Variants in NCOA6 observed in about 807,000 individuals in gnomAD.
NCOA6 encodes NRC RAP250.
In NCOA6, 49 loss-of-function variants were observed where a neutral mutation model predicts 171.4. That is an observed-to-expected ratio of 0.29 (90% CI 0.23 to 0.36). The LOEUF (loss-of-function observed/expected upper bound fraction) is 0.36, where lower values mean the gene tolerates loss of function less well. NCOA6 is among the 10% of genes least tolerant of loss of function. The probability of loss-of-function intolerance (pLI) is 1.00; values close to 1 mark genes in which losing one functional copy is unlikely to be tolerated. For missense variants in NCOA6, 2,248 were observed against 2,554.5 expected (o/e 0.88, Z 2.59); for synonymous variants, 910 against 927.5 (o/e 0.98, Z 0.34).
In NCOA6 at chr20:34,759,169, GCCACTGGGACCACAGGCACACA is replaced by G. The variant is rs2076742337; in HGVS notation, c.515-258_515-237del. On this transcript the variant is annotated intron_variant, in intron 5 of 14. Coordinates refer to ENST00000359003, the MANE Select transcript of NCOA6 (RefSeq NM_014071.5). ...CAAATAGCTGGGACCATGGGCACAT[GCCACTGGGACCACAGGCACACA>G]CCACTGTGCCCAGCTAATCGTTCTA... Among the ~76,000 whole-genome samples the G allele has an allele frequency of 2.0e-5, 3 of 152,030 alleles. No homozygotes were observed. The South Asian group carries it at 6.2e-4, about 32-fold the overall frequency.
Position 34,750,409 on chromosome 20 carries a change from CCTG to C in NCOA6, c.1783_1785del (p.Gln595del), listed in dbSNP as rs767522137. The C allele has an allele frequency of 2.5e-6, 4 of 1,613,918 alleles. No individual in the cohort carries two copies. The African/African-American group carries it at 5.3e-5, about 22-fold the overall frequency. On this transcript the variant is annotated inframe_deletion, in exon 9 of 15. Transcript: ENST00000359003. ...ACTTGAGGAACCCCAGAAGTACCAG[CCTG>C]CTGATTGTTCATGTTGCCATGAATT...
At chr20:34,767,011 T>A (rs540215949) in intron 5 of NCOA6, among the ~76,000 whole-genome samples, 128 of 152,292 alleles carry the variant, frequency 8.4e-4, no homozygotes, top group African/African-American at 2.9e-3. Flanking sequence ...ATTTTACATC[T>A]ATTTTATGGT....
At chr20:34,738,536 A>G (rs2076026776) in intron 11 of NCOA6, among the ~76,000 whole-genome samples, 1 of 152,234 alleles carries the variant, frequency 6.6e-6, no homozygotes, top group African/African-American at 2.4e-5. Context: ...CTAGAACAAT[A>G]TACAATAAGC....
At position 34,741,008 on chromosome 20, in the gene NCOA6, A is replaced by G; in HGVS notation, c.5248T>C (p.Ser1750Pro). The change falls in exon 11 of 15, where the codon TCT (serine) becomes CCT (proline). Residue 1750 changes from serine to proline, a missense_variant. Ser to Pro is a moderately conservative substitution (Grantham distance 74). Coordinates refer to ENST00000359003, the MANE Select transcript of NCOA6 (RefSeq NM_014071.5). ...GGATGAGAAGGGACAACTGGAGAAG[A>G]CGTACAAGGAGGGGAAGGAAGCTGA... is the stretch of plus-strand genomic sequence containing the variant. ...PVQLPSPPCT[S>P]SPVVPSHPPV... 2 of 1,614,214 alleles carry G rather than the reference A, an allele frequency of 1.2e-6. No homozygotes were observed. The highest frequency in any genetic ancestry group is 2.2e-5 in the South Asian group (2 of 91,084).
chr20:34,768,722 G>A, intron 4 of NCOA6, 136 bp from the exon 5 acceptor site: 3 of 955,422 alleles, frequency 3.1e-6, no homozygotes, highest in Middle Eastern at 5.0e-4. Flanking sequence ...AAAATGGTGG[G>A]TTCAATGTAG....
intron 9 of NCOA6, among the ~76,000 whole-genome samples, chr20:34,749,075 G>C (rs182977389): frequency 1.9e-4 from 29 of 152,278 alleles, no homozygotes; most frequent in Non-Finnish European, 4.0e-4. Flanking sequence ...AGATAATCAG[G>C]GAAGTTTGAA....
chr20:34,725,578 T>C (rs1323970182), intron 14 of NCOA6, among the ~76,000 whole-genome samples: 1 of 152,228 alleles, frequency 6.6e-6, no homozygotes, highest in Non-Finnish European at 1.5e-5. Context: ...GTTGAAGCTT[T>C]TGGACTTTAA....
intron 7 of NCOA6, 124 bp from the exon 8 acceptor site, chr20:34,754,992 G>T: frequency 1.1e-6 from 1 of 885,330 alleles, no homozygotes; most frequent in Non-Finnish European, 1.7e-6. Flanking sequence ...CTGTCACACT[G>T]GTAGGATCTT....
rs566107942 is a variant in NCOA6 at position 34,809,654 on chromosome 20, T to G, written c.-164+15818A>C. 29 of 389,218 alleles carry G rather than the reference T, an allele frequency of 7.5e-5. No homozygotes were observed. In the South Asian group the frequency reaches 3.2e-3, roughly 43 times the overall value. The allele number at this position is 389,218 out of a possible 1,614,324, so 24.1% of individuals were successfully genotyped here. On this transcript the variant is annotated intron_variant, in intron 1 of 14. Transcript: ENST00000359003. The stretch of plus-strand genomic sequence containing the variant: ...AATTCCTTCTCTCTACCACTGTTTC[T>G]GCTAATTTTACTCTAGAAAGAGTTG...
chr20:34,802,270 C>T (rs1265185502), intron 1 of NCOA6, among the ~76,000 whole-genome samples: 2 of 152,174 alleles, frequency 1.3e-5, no homozygotes, highest in Admixed American at 6.5e-5. Context: ...AGTTCAAGAC[C>T]AGCCTGGCCA....
intron 1 of NCOA6, among the ~76,000 whole-genome samples, chr20:34,794,593 C>A (rs1458234970): frequency 6.6e-6 from 1 of 151,758 alleles, no homozygotes; most frequent in African/African-American, 2.4e-5. Flanking sequence ...AGAAAAAAAA[C>A]AGAGTAAACC....
At chr20:34,802,565 C>A (rs1477044737) in intron 1 of NCOA6, among the ~76,000 whole-genome samples, 2 of 151,564 alleles carry the variant, frequency 1.3e-5, no homozygotes, top group Non-Finnish European at 2.9e-5. Context: ...TGCACCACTG[C>A]ACTCCAGCCT....
In NCOA6 at chr20:34,743,257, G is replaced by A. The variant is rs1600818663; in HGVS notation, c.2999C>T (p.Pro1000Leu). 1 of 1,613,974 alleles carries A rather than the reference G, an allele frequency of 6.2e-7. No homozygotes were observed. The change falls in exon 11 of 15, where the codon CCA (proline) becomes CTA (leucine). Residue 1000 changes from proline to leucine, a missense_variant. Coordinates refer to ENST00000359003, the MANE Select transcript of NCOA6 (RefSeq NM_014071.5). ...TTGTGGCTGTGGCTGCTGCTGTGGTGGCTGTGGTGGGGGTGCCACATGCTG... is the reference window on the plus strand; with the variant it reads ...TTGTGGCTGTGGCTGCTGCTGTGGTAGCTGTGGTGGGGGTGCCACATGCTG... ...LMQHVAPPPQ[P>L]PQQQPQPQLP...
At chr20:34,804,726 G>C (rs889883202) in intron 1 of NCOA6, among the ~76,000 whole-genome samples, 1 of 151,766 alleles carries the variant, frequency 6.6e-6, no homozygotes, top group African/African-American at 2.4e-5. Flanking sequence ...ACACATAACT[G>C]TATATATACA....
intron 1 of NCOA6, among the ~76,000 whole-genome samples, chr20:34,794,320 AAC>A (rs1157746845): frequency 6.6e-6 from 1 of 152,178 alleles, no homozygotes; most frequent in Non-Finnish European, 1.5e-5. Flanking sequence ...CAATTGCATA[AAC>A]TATTAACCTA....
intron 8 of NCOA6, among the ~76,000 whole-genome samples, chr20:34,751,862 C>T (rs1568775924): frequency 6.6e-6 from 1 of 151,966 alleles, no homozygotes; most frequent in Non-Finnish European, 1.5e-5. Flanking sequence ...TAATTTTGTC[C>T]CTTTTATTTT....
At chr20:34,721,175 T>C (rs1989262850) in intron 14 of NCOA6, among the ~76,000 whole-genome samples, 1 of 138,802 alleles carries the variant, frequency 7.2e-6, no homozygotes, top group South Asian at 2.2e-4. Context: ...ATCATGCCTA[T>C]GTAATGAAGC....
At chr20:34,803,435 C>T (rs1459433323) in intron 1 of NCOA6, among the ~76,000 whole-genome samples, 2 of 150,582 alleles carry the variant, frequency 1.3e-5, no homozygotes, top group East Asian at 3.9e-4. Flanking sequence ...CCACTGTACT[C>T]CAGCCTGGGT....
At chr20:34,818,053 CAATT>C (rs1237328773) in intron 1 of NCOA6, among the ~76,000 whole-genome samples, 1 of 152,158 alleles carries the variant, frequency 6.6e-6, no homozygotes, top group Admixed American at 6.5e-5. Flanking sequence ...CTTTCTGTAT[CAATT>C]GTTAGCTCTC....
Sources: allele counts gnomAD v4.1 joint callset (sites outside exome capture counted in the v4.1 genomes callset), GRCh38; gene constraint gnomAD v4.1.1; transcripts MANE v1.5; gene names NCBI Gene and HGNC (gene_info 2026-07-23, HGNC 2026-07-21).